ST3GAL2: variants seen among roughly 807,000 people sequenced by gnomAD.
ST3GAL2 encodes ST3 beta-galactoside alpha-2,3-sialyltransferase 2, also known as CMP-N-acetylneuraminate-beta-galactosamide-alpha-2,3-sialyltransferase 2.
Under a neutral mutation model 37.5 loss-of-function variants are expected in ST3GAL2, and 16 were observed. The observed-to-expected ratio is 0.43, with a 90% CI of 0.29 to 0.65. The LOEUF (loss-of-function observed/expected upper bound fraction) is 0.65. Among genes scored for constraint, ST3GAL2 ranks in the 30% least tolerant of loss-of-function variants. The pLI, the probability that ST3GAL2 is intolerant of heterozygous loss-of-function variation, is 0.17. For synonymous variants in ST3GAL2, 238 were observed against 202.9 expected, an observed-to-expected ratio of 1.17 and a Z score of -1.47; for missense variants, 383 against 487.8, an observed-to-expected ratio of 0.79 and a Z score of 2.02.
At chr16:70,427,511 G>A (rs971454081) in intron 1 of ST3GAL2, among the ~76,000 whole-genome samples, 1 of 151,854 alleles carries the variant, frequency 6.6e-6, no homozygotes, top group African/African-American at 2.4e-5. Flanking sequence ...GCTAATTTTT[G>A]TATTTTTAGT....
At chr16:70,396,927 C>T (rs112301356) in intron 2 of ST3GAL2, among the ~76,000 whole-genome samples, 14 of 150,122 alleles carry the variant, frequency 9.3e-5, no homozygotes, top group East Asian at 4.0e-4. Context: ...CACCCCTTCA[C>T]CTCCCTTAGC....
At chr16:70,421,810 T>A (rs1662564281) in intron 1 of ST3GAL2, among the ~76,000 whole-genome samples, 1 of 151,938 alleles carries the variant, frequency 6.6e-6, no homozygotes, top group African/African-American at 2.4e-5. Flanking sequence ...GGACCACAGG[T>A]ACACACAACA....
rs1358039935 is a variant in ST3GAL2 at position 70,380,811 on chromosome 16, C to A, written c.*878G>T. The A allele has an allele frequency of 6.5e-6, 1 of 153,014 alleles. No individual in the cohort carries two copies. The highest frequency in any genetic ancestry group is 2.4e-5 in the African/African-American group (1 of 41,492). 9.5% of individuals were successfully genotyped at this position (153,014 alleles called of 1,614,324 possible). On this transcript the variant is annotated 3_prime_UTR_variant, in exon 7 of 7. Transcript: ENST00000342907. The stretch of plus-strand genomic sequence containing the variant: ...AGCCAGCCTCCTTCCGCCGTGCAGC[C>A]CCCTCCCCAGGGGCCAGAGCCGGCC...
chr16:70,409,494 C>T (rs1004472133), intron 1 of ST3GAL2, among the ~76,000 whole-genome samples: 1 of 152,156 alleles, frequency 6.6e-6, no homozygotes, highest in African/African-American at 2.4e-5. Context: ...CAGGCATGCG[C>T]CACCATGCCT....
chr16:70,429,582 CTG>C (rs1168447115), intron 1 of ST3GAL2, among the ~76,000 whole-genome samples: 1 of 98,968 alleles, frequency 1.0e-5, no homozygotes, highest in Non-Finnish European at 1.7e-5. Context: ...GAGCAAGACT[CTG>C]TCTCAAAAAA....
intron 1 of ST3GAL2, among the ~76,000 whole-genome samples, chr16:70,414,832 C>A (rs2047664042): frequency 6.6e-6 from 1 of 151,630 alleles, no homozygotes; most frequent in Admixed American, 6.6e-5. Flanking sequence ...GCCACCACGC[C>A]CAGATAATTT....
At chr16:70,405,031 C>CAAA (rs370157293) in intron 1 of ST3GAL2, among the ~76,000 whole-genome samples, 2 of 69,858 alleles carry the variant, frequency 2.9e-5, no homozygotes, top group African/African-American at 4.9e-5. Flanking sequence ...GACTCCATCT[C>CAAA]AAAAAAAAAA....
chr16:70,422,569 A>G (rs1207374564), intron 1 of ST3GAL2, among the ~76,000 whole-genome samples: 1 of 152,200 alleles, frequency 6.6e-6, no homozygotes, highest in African/African-American at 2.4e-5. Context: ...AGAATGCAAG[A>G]GGCATCCAGT....
chr16:70,419,022 G>A (rs2047695226), intron 1 of ST3GAL2, among the ~76,000 whole-genome samples: 1 of 152,176 alleles, frequency 6.6e-6, no homozygotes, highest in South Asian at 2.1e-4. Flanking sequence ...AAAGTGGCAG[G>A]GAGGGCAGGG....
At chr16:70,389,176 G>A (rs1361790409) in intron 3 of ST3GAL2, among the ~76,000 whole-genome samples, 8 of 94,318 alleles carry the variant, frequency 8.5e-5, no homozygotes, top group Admixed American at 1.8e-4. Context: ...TCAGGAGATC[G>A]AGACCACGGT....
intron 1 of ST3GAL2, among the ~76,000 whole-genome samples, chr16:70,421,212 A>G (rs1003350916): frequency 3.3e-5 from 5 of 152,210 alleles, no homozygotes; most frequent in Non-Finnish European, 5.9e-5. Context: ...GGAGCCGATG[A>G]CATGCTGTGA....
At chr16:70,410,506 G>A (rs989038226) in intron 1 of ST3GAL2, among the ~76,000 whole-genome samples, 1 of 151,606 alleles carries the variant, frequency 6.6e-6, no homozygotes, top group African/African-American at 2.4e-5. Flanking sequence ...GCCTGCGTCG[G>A]CCTCCCAAAG....
At chr16:70,420,524 G>A (rs924552307) in intron 1 of ST3GAL2, among the ~76,000 whole-genome samples, 6 of 152,170 alleles carry the variant, frequency 3.9e-5, no homozygotes, top group Non-Finnish European at 5.9e-5. Context: ...CCTAGACAGT[G>A]GACAAGCCAG....
rs566916255 is a variant in ST3GAL2, at chr16:70,383,229, G to A, written c.720C>T (p.Tyr240=). The change falls in exon 5 of 7, where the codon TAC becomes TAT. Residue 240 remains tyrosine, a synonymous_variant. Coordinates refer to ENST00000342907, the MANE Select transcript of ST3GAL2 (RefSeq NM_006927.4). Reference sequence around the variant, plus strand: ...CTCGAAGGAAGGACTTCACTGGGGCGTAGGTGCTGTAAGCAAAAAGAAAGA... The same window carrying A: ...CTCGAAGGAAGGACTTCACTGGGGCATAGGTGCTGTAAGCAAAAAGAAAGA... ...ALSTGQIRFT[Y]APVKSFLRVD... 2.5e-5 allele frequency: 40 copies of A among 1,604,496 alleles called. No homozygotes were observed. Among genetic ancestry groups the A allele is most frequent in the East Asian group, 1.8e-4 (8 of 44,830 alleles).
Position 70,398,699 on chromosome 16 carries a change from G to A in ST3GAL2, c.-169C>T, listed in dbSNP as rs1170305718. The stretch of plus-strand genomic sequence containing the variant: ...CCCTTGCCACGCCCTCCCTCATGTA[G>A]GGAGAACACACGTTGGCAGGAGTGG... On this transcript the variant is annotated 5_prime_UTR_variant, in exon 2 of 7. Coordinates refer to ENST00000342907, the MANE Select transcript of ST3GAL2 (RefSeq NM_006927.4). 11 of 666,572 alleles carry A rather than the reference G, an allele frequency of 1.7e-5. No individual in the cohort carries two copies. The highest frequency in any genetic ancestry group is 1.2e-4 in the South Asian group (6 of 51,990). The allele number at this position is 666,572 out of a possible 1,614,324, so 41.3% of individuals were successfully genotyped here. A position where few individuals can be genotyped will look rare whatever the true frequency, so the allele number is the denominator to read the frequency against.
At chr16:70,386,125 A>T (rs1163710406) in intron 4 of ST3GAL2, among the ~76,000 whole-genome samples, 1 of 151,856 alleles carries the variant, frequency 6.6e-6, no homozygotes, top group African/African-American at 2.4e-5. Context: ...GGTTCGAGCG[A>T]TTCTCCTGCC....
At chr16:70,410,486 CTCGTG>C (rs2047630167) in intron 1 of ST3GAL2, among the ~76,000 whole-genome samples, 2 of 151,732 alleles carry the variant, frequency 1.3e-5, no homozygotes, top group East Asian at 3.9e-4. Flanking sequence ...ATCTCCTGAC[CTCGTG>C]ATCTGCCTGC....
intron 1 of ST3GAL2, among the ~76,000 whole-genome samples, chr16:70,401,262 G>A (rs1056524676): frequency 1.3e-5 from 2 of 152,202 alleles, no homozygotes; most frequent in Non-Finnish European, 1.5e-5. Flanking sequence ...TCCAAAGGAA[G>A]CAACTCAATC....
At position 70,376,811 on chromosome 16, in the gene ST3GAL2, C is replaced by T. The variant is rs992073441; in HGVS notation, c.*4878G>A. ...AGGCTGGAGTGCAGTGGCTCAATCT[C>T]GGCTCACCACAACTTCCACCTCCCA... is the stretch of plus-strand genomic sequence containing the variant. On this transcript the variant is annotated 3_prime_UTR_variant, in exon 7 of 7. Coordinates refer to ENST00000342907, the MANE Select transcript of ST3GAL2 (RefSeq NM_006927.4). 3.3e-5 allele frequency: 5 copies of T among 151,624 alleles called. No individual in the cohort carries two copies. In the East Asian group the frequency reaches 9.7e-4, roughly 29 times the overall value. The allele number at this position is 151,624 out of a possible 1,614,324, so 9.4% of individuals were successfully genotyped here.
Sources: allele counts gnomAD v4.1 joint callset (sites outside exome capture counted in the v4.1 genomes callset), GRCh38; gene constraint gnomAD v4.1.1; transcripts MANE v1.5; gene names NCBI Gene and HGNC (gene_info 2026-07-23, HGNC 2026-07-21).